UGGT1: variants seen among roughly 807,000 people sequenced by gnomAD.
The protein encoded by UGGT1 is UDP-glucose:glycoprotein glucosyltransferase 1.
Under a neutral mutation model 203.9 loss-of-function variants are expected in UGGT1, and 107 were observed. The ratio of observed to expected loss-of-function variants is 0.52; its 90% CI spans 0.45 to 0.62. The LOEUF is 0.62. Ranked by LOEUF, UGGT1 falls within the 20% of genes least tolerant of loss-of-function variation. The pLI is 0.00. For missense variants in UGGT1, 1,673 were observed against 1,867.2 expected, an observed-to-expected ratio of 0.90 and a Z score of 1.92; for synonymous variants, 628 against 653.5, an observed-to-expected ratio of 0.96 and a Z score of 0.59.
intron 19 of UGGT1, among the ~76,000 whole-genome samples, chr2:128,154,060 TAC>T (rs10597837): frequency 0.39 from 57,606 of 149,602 alleles, 11,257 homozygotes; most frequent in East Asian, 0.54. Context: ...CATGTATATA[TAC>T]ACACACACAC....
intron 1 of UGGT1, 114 bp downstream of exon 1, chr2:128,091,529 C>A: frequency 6.8e-7 from 1 of 1,475,452 alleles, no homozygotes; most frequent in South Asian, 1.3e-5. Flanking sequence ...TCAGTTTACC[C>A]TCTGGTGTCC....
At position 128,182,227 on chromosome 2, in the gene UGGT1, G is replaced by A; in HGVS notation, c.4181G>A (p.Gly1394Asp). 6.2e-7 allele frequency: 1 copy of A among 1,614,168 alleles called. No homozygotes were observed. Among genetic ancestry groups the A allele is most frequent in the Non-Finnish European group, 8.5e-7 (1 of 1,180,024 alleles). The change falls in exon 37 of 41, where the codon GGC becomes GAC. Residue 1394 changes from glycine (G) to aspartate (D), a missense_variant. Coordinates refer to ENST00000259253, the MANE Select transcript of UGGT1 (RefSeq NM_020120.4). ...TGTGACAGCCGAAGAGAAATGGACG[G>A]CTACAGGTTCTGGAAGTCAGGGTAC... ...PFCDSRREMD[G>D]YRFWKSGYWA...
intron 2 of UGGT1, among the ~76,000 whole-genome samples, chr2:128,100,632 G>C (rs982158269): frequency 8.8e-5 from 13 of 147,770 alleles, no homozygotes; most frequent in Non-Finnish European, 1.9e-4. Flanking sequence ...ATGTTGGTCA[G>C]GCTGGTCTGG....
At chr2:128,133,958 T>C (rs761830253) in intron 14 of UGGT1, among the ~76,000 whole-genome samples, 1 of 152,132 alleles carries the variant, frequency 6.6e-6, no homozygotes, top group Non-Finnish European at 1.5e-5. Flanking sequence ...GAGATAGTGG[T>C]AGGGTTAGTG....
At chr2:128,092,025 G>A (rs1686888647) in intron 1 of UGGT1, among the ~76,000 whole-genome samples, 1 of 152,192 alleles carries the variant, frequency 6.6e-6, no homozygotes, top group African/African-American at 2.4e-5. Context: ...TTGAGAAGGA[G>A]CAATTTTGTT....
At chr2:128,180,440 A>T (rs557286565) in intron 35 of UGGT1, among the ~76,000 whole-genome samples, 3 of 152,346 alleles carry the variant, frequency 2.0e-5, no homozygotes, top group East Asian at 1.9e-4. Flanking sequence ...AAAGGTGCTT[A>T]TACTTAGAAT....
intron 8 of UGGT1, 130 bp from the exon 9 acceptor site, chr2:128,120,226 T>G (rs1432932720): frequency 1.4e-6 from 1 of 705,406 alleles, no homozygotes; most frequent in East Asian, 2.7e-5. Context: ...ACTTCATTTT[T>G]TCCCCCTATG....
intron 1 of UGGT1, 48 bp from the exon 2 acceptor site, chr2:128,097,381 A>G (rs1687159093): frequency 2.5e-6 from 4 of 1,583,844 alleles, no homozygotes; most frequent in Non-Finnish European, 3.4e-6. Flanking sequence ...TCTCAAAAAA[A>G]AAAAAAATTT....
At chr2:128,150,884 T>C (rs557447245) in intron 18 of UGGT1, among the ~76,000 whole-genome samples, 40 of 152,176 alleles carry the variant, frequency 2.6e-4, no homozygotes, top group South Asian at 1.5e-3. Flanking sequence ...GGAGCCTCGC[T>C]TTGTCACCCA....
At chr2:128,102,706 A>G (rs1338010883) in intron 2 of UGGT1, among the ~76,000 whole-genome samples, 1 of 152,318 alleles carries the variant, frequency 6.6e-6, no homozygotes, top group East Asian at 1.9e-4. Flanking sequence ...TATGAAAAGC[A>G]TGTATTTATT....
chr2:128,140,687 A>T (rs1466449692), intron 16 of UGGT1, among the ~76,000 whole-genome samples: 3 of 151,942 alleles, frequency 2.0e-5, no homozygotes, highest in South Asian at 2.1e-4. Flanking sequence ...TTATTAAAAA[A>T]TTTTTTTTAG....
chr2:128,149,445 C>A (rs1267716847), intron 18 of UGGT1, among the ~76,000 whole-genome samples: 3 of 148,480 alleles, frequency 2.0e-5, no homozygotes, highest in African/African-American at 7.4e-5. Context: ...GAGATTGAGA[C>A]CATCCTGGCT....
chr2:128,116,356 T>C lies in UGGT1; in HGVS notation c.872+13T>C. 6.4e-7 allele frequency: 1 copy of C among 1,569,214 alleles called. No individual in the cohort carries two copies. Among genetic ancestry groups the C allele is most frequent in the Non-Finnish European group, 8.8e-7 (1 of 1,141,752 alleles). On this transcript the variant is annotated intron_variant, in intron 8 of 40. Coordinates refer to ENST00000259253, the MANE Select transcript of UGGT1 (RefSeq NM_020120.4). The stretch of plus-strand genomic sequence containing the variant: ...TTGGAAAATTAAGGTATGTATGTTC[T>C]GTGTATTTTGGGAAACGCCCTCATT...
At position 128,113,131 on chromosome 2, in the gene UGGT1, A is replaced by T. The variant is rs1450558103; in HGVS notation, c.569A>T (p.Asn190Ile). ...FKGDHRYPSS[N>I]PESPVVIFYS... ...GGAGATCACAGATATCCCTCGTCTAATCCTGAAAGCCCTGTGGTGATTTTC... is the reference window on the plus strand; with the variant it reads ...GGAGATCACAGATATCCCTCGTCTATTCCTGAAAGCCCTGTGGTGATTTTC... The change falls in exon 6 of 41, where the codon AAT becomes ATT. Residue 190 changes from asparagine (N) to isoleucine (I), a missense_variant. Physicochemically the swap from Asn to Ile is moderately radical, Grantham distance 149. Transcript: ENST00000259253. 6.2e-7 allele frequency: 1 copy of T among 1,611,426 alleles called. No individual in the cohort carries two copies. The highest frequency in any genetic ancestry group is 1.7e-5 in the Admixed American group (1 of 59,562).
chr2:128,096,396 CAG>C (rs1687118069), intron 1 of UGGT1, among the ~76,000 whole-genome samples: 2 of 152,216 alleles, frequency 1.3e-5, no homozygotes, highest in Non-Finnish European at 2.9e-5. Flanking sequence ...AATCCTTACT[CAG>C]GGTTTCACAG....
intron 26 of UGGT1, among the ~76,000 whole-genome samples, chr2:128,169,589 G>T (rs1207517608): frequency 6.6e-6 from 1 of 152,144 alleles, no homozygotes; most frequent in African/African-American, 2.4e-5. Context: ...CAAATGTGGA[G>T]AAAGTTGGTT....
At chr2:128,183,871 C>T (rs1691834835) in intron 38 of UGGT1, 82 bp downstream of exon 38, 4 of 1,014,322 alleles carry the variant, frequency 3.9e-6, no homozygotes, top group South Asian at 2.8e-5. Context: ...CTTGTGTCTT[C>T]AGTCCTCTCC....
intron 2 of UGGT1, among the ~76,000 whole-genome samples, chr2:128,099,979 A>G (rs1006285962): frequency 6.1e-5 from 9 of 146,790 alleles, no homozygotes; most frequent in Non-Finnish European, 1.3e-4. Flanking sequence ...CTTATTTTGG[A>G]TGATTTGTTT....
Position 128,162,720 on chromosome 2 carries a change from G to A in UGGT1, c.2825+1452G>A, listed in dbSNP as rs539094068. Among the ~76,000 whole-genome samples, 4 of 152,310 alleles carry A rather than the reference G, an allele frequency of 2.6e-5. No homozygotes were observed. The East Asian group carries it at 7.7e-4, about 29-fold the overall frequency. ...CAGGAGGTACTCGTGACTCGAAGCA[G>A]CCATGTCACAGGCATAGGCTTGGTG... On this transcript the variant is annotated intron_variant, in intron 25 of 40. Coordinates refer to ENST00000259253, the MANE Select transcript of UGGT1 (RefSeq NM_020120.4).
Sources: allele counts gnomAD v4.1 joint callset (sites outside exome capture counted in the v4.1 genomes callset), GRCh38; gene constraint gnomAD v4.1.1; transcripts MANE v1.5; gene names NCBI Gene and HGNC (gene_info 2026-07-23, HGNC 2026-07-21).